POLD3: variants seen among roughly 807,000 people sequenced by gnomAD.
POLD3 encodes DNA polymerase delta 3, accessory subunit.
Under a neutral mutation model 58.2 loss-of-function variants are expected in POLD3, and 19 were observed. The ratio of observed to expected loss-of-function variants is 0.33; its 90% CI spans 0.23 to 0.48. The LOEUF is 0.48. Ranked by LOEUF, POLD3 falls within the 20% of genes least tolerant of loss-of-function variation. POLD3 has a pLI of 0.99. For missense variants in POLD3, 504 were observed against 545.5 expected (o/e 0.92, Z 0.76); for synonymous variants, 172 against 193.5 (o/e 0.89, Z 0.92).
At chr11:74,623,028 T>A (rs2032313630) in intron 7 of POLD3, among the ~76,000 whole-genome samples, 1 of 152,228 alleles carries the variant, frequency 6.6e-6, no homozygotes, top group Non-Finnish European at 1.5e-5. Flanking sequence ...TACAGATGGA[T>A]ATGTGATATG....
intron 10 of POLD3, among the ~76,000 whole-genome samples, chr11:74,635,921 C>T (rs2032736455): frequency 6.6e-6 from 1 of 152,198 alleles, no homozygotes; most frequent in Non-Finnish European, 1.5e-5. Flanking sequence ...CTGCACTACC[C>T]AACAATAGTT....
intron 3 of POLD3, among the ~76,000 whole-genome samples, chr11:74,610,305 G>A (rs1336494166): frequency 1.3e-5 from 2 of 151,688 alleles, no homozygotes; most frequent in Non-Finnish European, 2.9e-5. Flanking sequence ...CTGCCTCCCA[G>A]GTTCAAGTGA....
At chr11:74,600,103 G>A (rs1373645741) in intron 2 of POLD3, among the ~76,000 whole-genome samples, 2 of 151,236 alleles carry the variant, frequency 1.3e-5, no homozygotes, top group African/African-American at 4.9e-5. Context: ...ATGCCACCAC[G>A]CCTGGCTAAC....
intron 4 of POLD3, among the ~76,000 whole-genome samples, chr11:74,665,941 TAGAA>T (rs753142689): frequency 1.8e-4 from 27 of 152,302 alleles, no homozygotes; most frequent in Non-Finnish European, 2.9e-4. Context: ...GGATTCATTT[TAGAA>T]AGGAAGAAGT....
chr11:74,595,745 G>A (rs998602280), intron 2 of POLD3, among the ~76,000 whole-genome samples: 11 of 152,100 alleles, frequency 7.2e-5, no homozygotes, highest in Admixed American at 6.6e-4. Context: ...AGCCTCCCGA[G>A]TAGCCGGGAC....
chr11:74,593,806 T>C (rs2031123123), intron 1 of POLD3, among the ~76,000 whole-genome samples: 1 of 152,222 alleles, frequency 6.6e-6, no homozygotes. Context: ...ATGAGAGTTT[T>C]TTCTGTTAGG....
At chr11:74,626,018 A>G (rs899754763) in intron 8 of POLD3, among the ~76,000 whole-genome samples, 1 of 152,094 alleles carries the variant, frequency 6.6e-6, no homozygotes, top group Admixed American at 6.6e-5. Context: ...GTAAAATGTA[A>G]TTAGAAAAGA....
intron 3 of POLD3, among the ~76,000 whole-genome samples, chr11:74,606,723 A>G (rs2031689321): frequency 6.6e-6 from 1 of 152,186 alleles, no homozygotes; most frequent in African/African-American, 2.4e-5. Flanking sequence ...GATGACACTG[A>G]AAGTGTTCAA....
intron 4 of POLD3, among the ~76,000 whole-genome samples, chr11:74,665,030 A>G (rs1466486103): frequency 1.3e-5 from 2 of 151,964 alleles, no homozygotes; most frequent in Non-Finnish European, 2.9e-5. Context: ...ATCCCAGGAG[A>G]CAGAGGTTGC....
chr11:74,623,307 C>T (rs1253360087), intron 7 of POLD3, among the ~76,000 whole-genome samples: 4 of 152,048 alleles, frequency 2.6e-5, no homozygotes, highest in South Asian at 2.1e-4. Context: ...TGTTGGTGGG[C>T]GCCTGTAGTC....
chr11:74,653,097 A>G (rs1334553802), intron 4 of POLD3, among the ~76,000 whole-genome samples: 1 of 152,234 alleles, frequency 6.6e-6, no homozygotes, highest in Non-Finnish European at 1.5e-5. Context: ...TTGGACCTGC[A>G]TATTTAGCTG....
chr11:74,626,820 G>A (rs950997301), intron 8 of POLD3, among the ~76,000 whole-genome samples: 1 of 152,064 alleles, frequency 6.6e-6, no homozygotes, highest in East Asian at 1.9e-4. Flanking sequence ...GATTATAATG[G>A]AGCTGAAAAA....
intron 9 of POLD3, among the ~76,000 whole-genome samples, chr11:74,633,589 C>G (rs1287424987): frequency 6.6e-6 from 1 of 152,154 alleles, no homozygotes; most frequent in Non-Finnish European, 1.5e-5. Flanking sequence ...TAAGTCGCTA[C>G]CCGGTCCCCT....
chr11:74,664,587 T>C (rs767047031), intron 4 of POLD3, among the ~76,000 whole-genome samples: 1 of 151,860 alleles, frequency 6.6e-6, no homozygotes, highest in Non-Finnish European at 1.5e-5. Context: ...AAAGACATCA[T>C]AAGAAAACTA....
chr11:74,643,182 G>A (rs7947345), downstream of POLD3: 130,617 of 152,388 alleles, frequency 0.86, 56,503 homozygotes, highest in African/African-American at 0.97. Flanking sequence ...TCAGCTAGCA[G>A]CTTCCTGAAA....
At chr11:74,658,743 C>T (rs1467331683) in intron 4 of POLD3, among the ~76,000 whole-genome samples, 3 of 152,220 alleles carry the variant, frequency 2.0e-5, no homozygotes, top group Non-Finnish European at 4.4e-5. Flanking sequence ...CTCCAGGTCT[C>T]ACATCCAGCT....
chr11:74,606,640 T>C (rs1010590384), intron 3 of POLD3, among the ~76,000 whole-genome samples: 2 of 152,212 alleles, frequency 1.3e-5, no homozygotes, highest in Non-Finnish European at 2.9e-5. Flanking sequence ...ACTGACCCAT[T>C]ATAACAGGGG....
intron 7 of POLD3, among the ~76,000 whole-genome samples, chr11:74,621,400 C>T (rs1173486527): frequency 1.3e-5 from 2 of 149,758 alleles, no homozygotes; most frequent in African/African-American, 4.9e-5. Flanking sequence ...CCACCGCCCC[C>T]GACCCCCCAC....
At chr11:74,595,738 C>T (rs1212032613) in intron 2 of POLD3, among the ~76,000 whole-genome samples, 1 of 152,162 alleles carries the variant, frequency 6.6e-6, no homozygotes, top group Non-Finnish European at 1.5e-5. Flanking sequence ...CCACCTCAGC[C>T]TCCCGAGTAG....
Sources: allele counts gnomAD v4.1 joint callset (sites outside exome capture counted in the v4.1 genomes callset), GRCh38; gene constraint gnomAD v4.1.1; transcripts MANE v1.5; gene names NCBI Gene and HGNC (gene_info 2026-07-23, HGNC 2026-07-21).